Variants in RYR3 observed in about 807,000 individuals in gnomAD.
RYR3 encodes brain ryanodine receptor-calcium release channel.
In RYR3, 207 loss-of-function variants were observed where a neutral mutation model predicts 584.3. The observed-to-expected ratio is 0.35, with a 90% CI of 0.32 to 0.40. The LOEUF (loss-of-function observed/expected upper bound fraction) is 0.40. RYR3 is among the 10% of genes least tolerant of loss of function. The pLI is 1.00. For missense variants in RYR3, 5,616 were observed against 6,089.2 expected, an observed-to-expected ratio of 0.92 and a Z score of 2.59; for synonymous variants, 2,416 against 2,248.5, an observed-to-expected ratio of 1.07 and a Z score of -2.11.
intron 2 of RYR3, among the ~76,000 whole-genome samples, chr15:33,482,587 T>C (rs2142363083): frequency 6.6e-6 from 1 of 152,190 alleles, no homozygotes; most frequent in East Asian, 1.9e-4. Context: ...GCCTGGCTAA[T>C]TTTTGTATTT....
intron 1 of RYR3, among the ~76,000 whole-genome samples, chr15:33,410,626 G>A (rs542908412): frequency 6.6e-6 from 1 of 152,292 alleles, no homozygotes; most frequent in Admixed American, 6.5e-5. Context: ...TTGGAATTGA[G>A]GCATAAATGT....
At chr15:33,404,866 A>C (rs1228225292) in intron 1 of RYR3, among the ~76,000 whole-genome samples, 1 of 152,168 alleles carries the variant, frequency 6.6e-6, no homozygotes, top group Non-Finnish European at 1.5e-5. Context: ...ATCAGATGTC[A>C]AGTATTTTAG....
intron 38 of RYR3, among the ~76,000 whole-genome samples, chr15:33,678,966 C>A (rs1447588834): frequency 6.6e-6 from 1 of 152,210 alleles, no homozygotes; most frequent in Non-Finnish European, 1.5e-5. Context: ...GCCAGAGAGG[C>A]CCTGGGGAAG....
At chr15:33,638,329 C>G (rs1365348276) in intron 27 of RYR3, among the ~76,000 whole-genome samples, 3 of 152,164 alleles carry the variant, frequency 2.0e-5, no homozygotes, top group Non-Finnish European at 4.4e-5. Flanking sequence ...AGTCCCCTCC[C>G]TCTGAGGCCA....
At chr15:33,521,859 A>T (rs2054009110) in intron 3 of RYR3, among the ~76,000 whole-genome samples, 1 of 152,104 alleles carries the variant, frequency 6.6e-6, no homozygotes, top group Non-Finnish European at 1.5e-5. Context: ...TTAGTAAGGC[A>T]ACTGCTAGCT....
chr15:33,850,784 C>G (rs2079048837), intron 94 of RYR3: 1 of 151,922 alleles, frequency 6.6e-6, no homozygotes, highest in Admixed American at 6.6e-5. Context: ...TTAAAAATCC[C>G]CTGTATTATC....
chr15:33,857,218 C>T (rs933307468), intron 98 of RYR3, among the ~76,000 whole-genome samples: 4 of 137,932 alleles, frequency 2.9e-5, no homozygotes, highest in South Asian at 2.6e-4. Flanking sequence ...GTTCTGGAGG[C>T]GGTAAGTAAG....
At chr15:33,597,972 G>A (rs1328412717) in intron 16 of RYR3, among the ~76,000 whole-genome samples, 3 of 150,844 alleles carry the variant, frequency 2.0e-5, no homozygotes, top group Non-Finnish European at 2.9e-5. Flanking sequence ...CTAGGCAATT[G>A]TCAGCTAAAT....
chr15:33,571,985 T>A (rs1449251484), intron 12 of RYR3, among the ~76,000 whole-genome samples: 1 of 152,198 alleles, frequency 6.6e-6, no homozygotes, highest in African/African-American at 2.4e-5. Context: ...TCTTAGTGGT[T>A]GCTCTAGGGA....
At chr15:33,479,360 G>A (rs1369708232) in intron 2 of RYR3, among the ~76,000 whole-genome samples, 1 of 151,182 alleles carries the variant, frequency 6.6e-6, no homozygotes, top group Non-Finnish European at 1.5e-5. Flanking sequence ...AACTTCTGAT[G>A]TATGTTAGTA....
chr15:33,677,358 C>T (rs1335435811), intron 38 of RYR3, among the ~76,000 whole-genome samples: 1 of 152,122 alleles, frequency 6.6e-6, no homozygotes, highest in Non-Finnish European at 1.5e-5. Context: ...AAGACAGAGG[C>T]CCGAGGTCCC....
chr15:33,473,436 C>A lies in RYR3; in HGVS notation c.69C>A (p.Leu23=). The change falls in exon 2 of 104, where the codon CTC becomes CTA. Residue 23 remains leucine, a synonymous_variant. Coordinates refer to ENST00000634891, the MANE Select transcript of RYR3 (RefSeq NM_001036.6). ...CCTGGCAGGAGGATGAAGTGGTACT[C>A]CAGTGCATCGCCACCATTCATAAGG... ...QFLRTEDEVV[L]QCIATIHKEQ... 1 of 1,613,884 alleles carries A rather than the reference C, an allele frequency of 6.2e-7. No homozygotes were observed. The highest frequency in any genetic ancestry group is 1.1e-5 in the South Asian group (1 of 91,072).
intron 1 of RYR3, among the ~76,000 whole-genome samples, chr15:33,343,596 T>A (rs546313992): frequency 1.4e-4 from 22 of 152,368 alleles, no homozygotes; most frequent in African/African-American, 4.8e-4. Context: ...TGCCTATTTT[T>A]TACTGTGTCA....
At chr15:33,751,487 G>A (rs1465078932) in intron 57 of RYR3, among the ~76,000 whole-genome samples, 1 of 152,094 alleles carries the variant, frequency 6.6e-6, no homozygotes, top group Non-Finnish European at 1.5e-5. Context: ...AATGACCAGT[G>A]ATGATGAGCT....
intron 32 of RYR3, among the ~76,000 whole-genome samples, chr15:33,657,465 T>A (rs956267685): frequency 6.6e-6 from 1 of 152,240 alleles, no homozygotes; most frequent in East Asian, 1.9e-4. Context: ...TGCAGTGACT[T>A]GAGGCCTACA....
At chr15:33,832,516 C>T (rs569615879) in intron 86 of RYR3, among the ~76,000 whole-genome samples, 8 of 151,010 alleles carry the variant, frequency 5.3e-5, no homozygotes, top group Non-Finnish European at 8.8e-5. Flanking sequence ...ATTAGCTGGG[C>T]GTGTTGGTGG....
At chr15:33,351,177 C>T (rs913408180) in intron 1 of RYR3, among the ~76,000 whole-genome samples, 9 of 152,190 alleles carry the variant, frequency 5.9e-5, no homozygotes, top group Non-Finnish European at 1.2e-4. Flanking sequence ...GGATAAACTC[C>T]TCGACACATA....
At chr15:33,621,914 G>A (rs542249603) in intron 19 of RYR3, among the ~76,000 whole-genome samples, 1 of 152,226 alleles carries the variant, frequency 6.6e-6, no homozygotes, top group East Asian at 1.9e-4. Context: ...GAGGCCCACT[G>A]GAAAGTATCC....
At chr15:33,801,777 G>T (rs906360681) in intron 68 of RYR3, 92 bp from the exon 69 acceptor site, 1 of 672,660 alleles carries the variant, frequency 1.5e-6, no homozygotes, top group African/African-American at 1.8e-5. Flanking sequence ...TGAGAGGAGG[G>T]GTCTATTCCG....
Sources: gnomAD v4.1 joint callset for allele counts (sites outside exome capture counted in the v4.1 genomes callset) on GRCh38, gnomAD v4.1.1 for gene constraint, MANE v1.5 for transcripts, NCBI Gene and HGNC (gene_info 2026-07-23, HGNC 2026-07-21) for gene names.